FOXK1: variants seen among roughly 807,000 people sequenced by gnomAD.
FOXK1 encodes forkhead box protein K1.
Under a neutral mutation model 51.9 loss-of-function variants are expected in FOXK1, and 19 were observed. The observed-to-expected ratio is 0.37, with a 90% CI of 0.26 to 0.54. The LOEUF is 0.54. FOXK1 is among the 20% of genes least tolerant of loss of function. The probability of loss-of-function intolerance (pLI) is 0.87; values close to 1 mark genes in which losing one functional copy is unlikely to be tolerated. For synonymous variants in FOXK1, 537 were observed against 482.6 expected (o/e 1.11, Z -1.48); for missense variants, 870 against 1,032.7 (o/e 0.84, Z 2.16).
rs374000244 is a variant in FOXK1 at position 4,759,235 on chromosome 7, C to T, written c.1411+18C>T. The T allele has an allele frequency of 8.7e-6, 14 of 1,610,944 alleles. No individual in the cohort carries two copies. The highest frequency in any genetic ancestry group is 1.2e-5 in the Non-Finnish European group (14 of 1,179,618). ...CGCACCCGGTAAGGAGCGGGCGGCC[C>T]TCTTGCGGGGCGGGGCGGGGCGGGA... On this transcript the variant is annotated intron_variant, in intron 6 of 8. Transcript: ENST00000328914.
chr7:4,762,449 A>G lies in FOXK1; in HGVS notation c.2187A>G (p.Pro729=). The change falls in exon 9 of 9, where the codon CCA becomes CCG. Residue 729 remains proline, a synonymous_variant. Coordinates refer to ENST00000328914, the MANE Select transcript of FOXK1 (RefSeq NM_001037165.2). This position sits in a 1 kb window ranked among gnomAD's most constrained non-coding sequence, Gnocchi z 5.7. ...GVIAAAGPQG[P]GTGE is the part of the protein sequence containing the mutation. ...TCGCAGCTGCCGGCCCCCAGGGGCC[A>G]GGCACCGGGGAGTGAGGTCACCTGC... is the stretch of plus-strand genomic sequence containing the variant. The G allele has an allele frequency of 4.5e-6, 7 of 1,544,352 alleles. No homozygotes were observed. The highest frequency in any genetic ancestry group is 2.0e-5 in the Admixed American group (1 of 51,024).
intron 1 of FOXK1, among the ~76,000 whole-genome samples, chr7:4,718,644 C>T (rs532123068): frequency 6.6e-6 from 1 of 152,302 alleles, no homozygotes; most frequent in South Asian, 2.1e-4. Flanking sequence ...CTGTCCTTGG[C>T]ATAGGTTTTG....
intron 1 of FOXK1, among the ~76,000 whole-genome samples, chr7:4,719,712 C>T (rs1054000834): frequency 1.3e-5 from 2 of 152,096 alleles, no homozygotes; most frequent in African/African-American, 4.8e-5. Context: ...GAACTCCTGA[C>T]CTCAGGTGAT....
At position 4,729,758 on chromosome 7, in the gene FOXK1, G is replaced by C. The variant is rs1174110394; in HGVS notation, c.561-11080G>C. 6.6e-6 allele frequency among the ~76,000 whole-genome samples: 1 copy of C among 152,206 alleles called. No individual in the cohort carries two copies. The highest frequency in any genetic ancestry group is 2.4e-5 in the African/African-American group (1 of 41,452). On this transcript the variant is annotated intron_variant, in intron 1 of 8. Transcript: ENST00000328914. The surrounding 1 kb of genome is among the most constrained non-coding windows in gnomAD (Gnocchi z 6.2). The stretch of plus-strand genomic sequence containing the variant: ...TAATCCCAGCACTTTGGGAGGCCAA[G>C]GCAGGTGGATCACCTGAGCTCAGGA...
chr7:4,697,742 TG>T (rs1779971757), intron 1 of FOXK1, among the ~76,000 whole-genome samples: 1 of 1,354 alleles, frequency 7.4e-4, no homozygotes, highest in Non-Finnish European at 1.8e-3. Flanking sequence ...AAAGATAGGC[TG>T]TGTGTGTGTG....
rs1269251845 is a variant in FOXK1, at chr7:4,709,967, G to A, written c.560+27099G>A. 2.0e-5 allele frequency among the ~76,000 whole-genome samples: 3 copies of A among 152,178 alleles called. No homozygotes were observed. Among genetic ancestry groups the A allele is most frequent in the African/African-American group, 7.2e-5 (3 of 41,434 alleles). On this transcript the variant is annotated intron_variant, in intron 1 of 8. Transcript: ENST00000328914. The surrounding 1 kb of genome is among the most constrained non-coding windows in gnomAD (Gnocchi z 5.6). ...CGTTAACATTGTTCCCGCGTGAAGG[G>A]GTAGAAGAACAGGCAAAATCCATGA... is the stretch of plus-strand genomic sequence containing the variant.
chr7:4,712,209 C>T (rs4540325), intron 1 of FOXK1, among the ~76,000 whole-genome samples: 64,974 of 151,920 alleles, frequency 0.43, 15,122 homozygotes, highest in African/African-American at 0.61. Context: ...AGACGTTCGA[C>T]GTGTCAGACT....
intron 2 of FOXK1, 136 bp from the exon 3 acceptor site, chr7:4,754,323 T>C (rs2115070806): frequency 2.0e-6 from 2 of 979,396 alleles, no homozygotes; most frequent in South Asian, 1.7e-5. Flanking sequence ...GGCCGGGCAG[T>C]GTGGTGGCAC....
chr7:4,682,415 C>A lies in FOXK1; in HGVS notation c.107C>A (p.Ala36Glu). The change falls in exon 1 of 9, where the codon GCG becomes GAG. Residue 36 changes from alanine (A) to glutamate (E), a missense_variant. Physicochemically the swap from Ala to Glu is moderately radical, Grantham distance 107. Coordinates refer to ENST00000328914, the MANE Select transcript of FOXK1 (RefSeq NM_001037165.2). This position sits in a 1 kb window ranked among gnomAD's most constrained non-coding sequence, Gnocchi z 7.6. Reference protein sequence around the residue: ...CAAAAAAAFPAAAPPPAPAQP... With the variant: ...CAAAAAAAFPEAAPPPAPAQP... ...GCAGCCGCCGCCGCCGCCTTCCCCG[C>A]GGCCGCACCCCCGCCGGCCCCCGCG... 3 of 981,234 alleles carry A rather than the reference C, an allele frequency of 3.1e-6. No individual in the cohort carries two copies. The highest frequency in any genetic ancestry group is 3.6e-6 in the Non-Finnish European group (3 of 828,628). 60.8% of individuals were successfully genotyped at this position (981,234 alleles called of 1,614,324 possible). A position where few individuals can be genotyped will look rare whatever the true frequency, so the allele number is the denominator to read the frequency against.
At chr7:4,696,198 C>T (rs2115032168) in intron 1 of FOXK1, among the ~76,000 whole-genome samples, 1 of 151,682 alleles carries the variant, frequency 6.6e-6, no homozygotes, top group South Asian at 2.1e-4. Context: ...TTGTCCCTGT[C>T]TTAACTCTCC....
intron 1 of FOXK1, among the ~76,000 whole-genome samples, chr7:4,701,126 G>A (rs560482356): frequency 1.3e-5 from 2 of 152,296 alleles, no homozygotes; most frequent in African/African-American, 4.8e-5. Context: ...TGCACTGGCT[G>A]GAGAACGGGC....
At chr7:4,740,780 G>C in intron 1 of FOXK1, 58 bp from the exon 2 acceptor site, 1 of 1,531,660 alleles carries the variant, frequency 6.5e-7, no homozygotes, top group Non-Finnish European at 8.8e-7. Context: ...TTCCCTGGGT[G>C]TTGGCGTCTT....
Position 4,737,425 on chromosome 7 carries a change from GGTGTGTGTGCATGC to G in FOXK1, c.561-3402_561-3389del, listed in dbSNP as rs376400904. Among the ~76,000 whole-genome samples the G allele has an allele frequency of 6.1e-3, 913 of 149,502 alleles. 10 individuals carry two copies. Among genetic ancestry groups the G allele is most frequent in the African/African-American group, 0.021 (877 of 41,476 alleles). On this transcript the variant is annotated intron_variant, in intron 1 of 8. Transcript: ENST00000328914. The stretch of plus-strand genomic sequence containing the variant: ...GTGTCCAGCACTGGTGGAACGGGTA[GGTGTGTGTGCATGC>G]GTGTGTGTGCGTGCACGTGTGCATG...
At position 4,749,662 on chromosome 7, in the gene FOXK1, C is replaced by T. The variant is rs538827005; in HGVS notation, c.747-4797C>T. On this transcript the variant is annotated intron_variant, in intron 2 of 8. Coordinates refer to ENST00000328914, the MANE Select transcript of FOXK1 (RefSeq NM_001037165.2). This position sits in a 1 kb window ranked among gnomAD's most constrained non-coding sequence, Gnocchi z 6.0. Reference sequence around the variant, plus strand: ...AGAGCACTGTCCTCCCTGGGCCTGCCGGAAGCGATAACTGTCCCGACCCTA... The same window carrying T: ...AGAGCACTGTCCTCCCTGGGCCTGCTGGAAGCGATAACTGTCCCGACCCTA... Among the ~76,000 whole-genome samples, 3 of 152,310 alleles carry T rather than the reference C, an allele frequency of 2.0e-5. No individual in the cohort carries two copies. Among genetic ancestry groups the T allele is most frequent in the South Asian group, 4.1e-4 (2 of 4,828 alleles).
At position 4,753,231 on chromosome 7, in the gene FOXK1, C is replaced by A. The variant is rs1050280889; in HGVS notation, c.747-1228C>A. On this transcript the variant is annotated intron_variant, in intron 2 of 8. Transcript: ENST00000328914. This position sits in a 1 kb window ranked among gnomAD's most constrained non-coding sequence, Gnocchi z 4.9. ...TCTCAGCCACAGGATTTTTTTCATT[C>A]ATTCCTCTGCTCCATCCAAAAAATG... Among the ~76,000 whole-genome samples, 5 of 152,144 alleles carry A rather than the reference C, an allele frequency of 3.3e-5. No homozygotes were observed. The highest frequency in any genetic ancestry group is 1.3e-4 in the Admixed American group (2 of 15,280).
Position 4,731,909 on chromosome 7 carries a change from G to T in FOXK1, c.561-8929G>T, listed in dbSNP as rs776001994. Among the ~76,000 whole-genome samples the T allele has an allele frequency of 6.6e-6, 1 of 152,206 alleles. No individual in the cohort carries two copies. Among genetic ancestry groups the T allele is most frequent in the African/African-American group, 2.4e-5 (1 of 41,448 alleles). On this transcript the variant is annotated intron_variant, in intron 1 of 8. Coordinates refer to ENST00000328914, the MANE Select transcript of FOXK1 (RefSeq NM_001037165.2). This position sits in a 1 kb window ranked among gnomAD's most constrained non-coding sequence, Gnocchi z 5.3. ...ACCGCTTGCTACGTGCCAGCCGTCC[G>T]GTCAGGACTGATGTTCACGGCATGG...
chr7:4,708,056 T>C (rs1176872605), intron 1 of FOXK1, among the ~76,000 whole-genome samples: 1 of 151,812 alleles, frequency 6.6e-6, no homozygotes, highest in Non-Finnish European at 1.5e-5. Context: ...TACCGCCTAG[T>C]AACTGGTGGG....
intron 1 of FOXK1, among the ~76,000 whole-genome samples, chr7:4,704,954 C>T (rs1306501627): frequency 6.6e-6 from 1 of 151,712 alleles, no homozygotes; most frequent in African/African-American, 2.4e-5. Context: ...GCCTCAGCCT[C>T]CCGAGTAGCT....
chr7:4,749,734 T>C lies in FOXK1; in HGVS notation c.747-4725T>C, dbSNP rs74536607. Among the ~76,000 whole-genome samples the C allele has an allele frequency of 2.0e-5, 3 of 152,132 alleles. No homozygotes were observed. The highest frequency in any genetic ancestry group is 4.8e-5 in the African/African-American group (2 of 41,434). The stretch of plus-strand genomic sequence containing the variant: ...CAGCCTCAGAGCAGAGCCAAGGGCA[T>C]TGAGGGTGGACTGGAAGGACCGCAG... On this transcript the variant is annotated intron_variant, in intron 2 of 8. Coordinates refer to ENST00000328914, the MANE Select transcript of FOXK1 (RefSeq NM_001037165.2). This position sits in a 1 kb window ranked among gnomAD's most constrained non-coding sequence, Gnocchi z 6.0.
Sources: allele counts gnomAD v4.1 joint callset (sites outside exome capture counted in the v4.1 genomes callset), GRCh38; gene constraint gnomAD v4.1.1; non-coding constraint Gnocchi (gnomAD v3.1); transcripts MANE v1.5; gene names NCBI Gene and HGNC (gene_info 2026-07-23, HGNC 2026-07-21).